The following DDX31 variants were observed in gnomAD, a reference collection of about 807,000 sequenced individuals.
The protein encoded by DDX31 is ATP-dependent DNA helicase DDX31.
DDX31 carries 70 observed loss-of-function variants against 91.3 expected under a neutral mutation model. The ratio of observed to expected loss-of-function variants is 0.77; its 90% confidence interval spans 0.63 to 0.94. The LOEUF is 0.94. DDX31 is among the 40% of genes least tolerant of loss of function. The probability of loss-of-function intolerance (pLI) is 0.00; values close to 1 mark genes in which losing one functional copy is unlikely to be tolerated. For missense variants in DDX31, 902 were observed against 925.0 expected (o/e 0.98, Z 0.32); for synonymous variants, 362 against 350.6 (o/e 1.03, Z -0.36).
At position 132,648,209 on chromosome 9, in the gene DDX31, A is replaced by G; in HGVS notation, c.947T>C (p.Leu316Pro). The change falls in exon 11 of 20, where the codon CTA becomes CCA. Residue 316 changes from leucine to proline, a missense_variant. Coordinates refer to ENST00000372159, the MANE Select transcript of DDX31 (RefSeq NM_022779.9). Reference sequence around the variant, plus strand: ...CTCACCTTCTGTGAGTGTCGCTGATAGCAAGACATTCTGTCGTTTTTGGCA... The same window carrying G: ...CTCACCTTCTGTGAGTGTCGCTGATGGCAAGACATTCTGTCGTTTTTGGCA... ...AECQKRQNVL[L>P]SATLTEGVTR... is the part of the protein sequence containing the mutation. 6.2e-7 allele frequency: 1 copy of G among 1,613,900 alleles called. No homozygotes were observed. The highest frequency in any genetic ancestry group is 8.5e-7 in the Non-Finnish European group (1 of 1,179,942).
At position 132,661,217 on chromosome 9, in the gene DDX31, C is replaced by G. The variant is rs773944538; in HGVS notation, c.443G>C (p.Ser148Thr). 3 of 1,610,514 alleles carry G rather than the reference C, an allele frequency of 1.9e-6. No individual in the cohort carries two copies. Among genetic ancestry groups the G allele is most frequent in the Non-Finnish European group, 1.7e-6 (2 of 1,177,734 alleles). ...STINTVLKMS[S>T]MTSVQKQSIP... ...AGCCTGAAGTTCTTACCTGGTCATA[C>G]TAGACATTTTTAAGACCGTATTTAT... Residue 148 changes from serine to threonine, a missense_variant, in exon 4 of 20, where the codon AGT becomes ACT. Ser to Thr is a moderately conservative substitution (Grantham distance 58, BLOSUM62 1). Transcript: ENST00000372159.
chr9:132,627,987 A>G (rs1052835819), intron 16 of DDX31, among the ~76,000 whole-genome samples: 3 of 152,184 alleles, frequency 2.0e-5, no homozygotes, highest in Non-Finnish European at 4.4e-5. Context: ...GCTTCTTCCC[A>G]CTGCGCACTT....
intron 9 of DDX31, among the ~76,000 whole-genome samples, chr9:132,649,005 A>G (rs949988758): frequency 6.6e-6 from 1 of 152,228 alleles, no homozygotes; most frequent in South Asian, 2.1e-4. Flanking sequence ...AACGGGGCTC[A>G]GCTTTGTCCC....
intron 1 of DDX31, among the ~76,000 whole-genome samples, chr9:132,667,462 G>A (rs967428326): frequency 1.3e-5 from 2 of 151,982 alleles, no homozygotes; most frequent in African/African-American, 4.8e-5. Flanking sequence ...AATTAGCCGG[G>A]TGTGGTGGTG....
In DDX31 at chr9:132,645,936, G is replaced by T. The variant is rs753128554; in HGVS notation, c.1339C>A (p.Arg447=). Residue 447 remains arginine, a synonymous_variant, in exon 13 of 20, where the codon CGA becomes AGA. Coordinates refer to ENST00000372159, the MANE Select transcript of DDX31 (RefSeq NM_022779.9). The part of the protein sequence containing the change: ...ASGQLPSASM[R]LKFLRLHGGM... ...CCATGCAGCCGTAGGAATTTTAATC[G>T]CATGGAGGCAGATGGCAACTGCCCT... 1 of 1,613,500 alleles carries T rather than the reference G, an allele frequency of 6.2e-7. No homozygotes were observed. The highest frequency in any genetic ancestry group is 1.3e-5 in the African/African-American group (1 of 74,882).
At position 132,633,444 on chromosome 9, in the gene DDX31, A is replaced by G. The variant is rs932810118; in HGVS notation, c.1441-1353T>C. Among the ~76,000 whole-genome samples the G allele has an allele frequency of 2.0e-5, 3 of 149,468 alleles. 1 individual carries two copies. The highest frequency in any genetic ancestry group is 7.8e-5 in the African/African-American group (3 of 38,708). Reference sequence around the variant, plus strand: ...CATTTCAGCACTATATATAATTTGTAGATCTAGAAAAAAACTGTCAACCAG... The same window carrying G: ...CATTTCAGCACTATATATAATTTGTGGATCTAGAAAAAAACTGTCAACCAG... On this transcript the variant is annotated intron_variant, in intron 14 of 19. Transcript: ENST00000372159.
intron 5 of DDX31, 124 bp from the exon 6 acceptor site, chr9:132,658,859 A>T: frequency 2.5e-6 from 2 of 814,580 alleles, no homozygotes; most frequent in South Asian, 3.8e-5. Flanking sequence ...GGAAAGGGAA[A>T]CTGCCCATTA....
At position 132,652,452 on chromosome 9, in the gene DDX31, C is replaced by T; in HGVS notation, c.629G>A (p.Arg210Lys). ...GPYALVLVPT[R>K]ELALQSFDTV... ...CCCAAAAGGGAGCCTGCTTACCTCT[C>T]TCGTTGGCACGAGCACCAGGGCATA... Residue 210 changes from arginine (R) to lysine (K), a missense_variant, in exon 7 of 20, where the codon AGA becomes AAA. By Grantham distance (26) the Arg-to-Lys change is conservative (BLOSUM62 2). Transcript: ENST00000372159. 1 of 1,614,136 alleles carries T rather than the reference C, an allele frequency of 6.2e-7. No homozygotes were observed. The highest frequency in any genetic ancestry group is 8.5e-7 in the Non-Finnish European group (1 of 1,180,022).
At chr9:132,614,687 T>C (rs1008829623) in intron 18 of DDX31, among the ~76,000 whole-genome samples, 16 of 152,146 alleles carry the variant, frequency 1.1e-4, no homozygotes, top group Admixed American at 6.5e-4. Flanking sequence ...CCACCAATCC[T>C]ATGAGCTGAG....
At chr9:132,617,823 C>T (rs1029049365) in intron 18 of DDX31, among the ~76,000 whole-genome samples, 8 of 152,200 alleles carry the variant, frequency 5.3e-5, no homozygotes, top group Admixed American at 3.3e-4. Context: ...AATATTAAGT[C>T]AACACCTCTC....
chr9:132,628,477 A>G lies in DDX31; in HGVS notation c.1631+1787T>C, dbSNP rs577882391. ...ATGGTATTTGTTATGTCTTTAAAAT[A>G]TACCTGACTCCCTAATACTTCGTGC... On this transcript the variant is annotated intron_variant, in intron 16 of 19. Coordinates refer to ENST00000372159, the MANE Select transcript of DDX31 (RefSeq NM_022779.9). Among the ~76,000 whole-genome samples the G allele has an allele frequency of 2.0e-5, 3 of 152,348 alleles. No individual in the cohort carries two copies. In the South Asian group the frequency reaches 6.2e-4, roughly 32 times the overall value.
chr9:132,632,124 G>C, intron 14 of DDX31, 33 bp from the exon 15 acceptor site: 1 of 1,601,728 alleles, frequency 6.2e-7, no homozygotes, highest in Non-Finnish European at 8.5e-7. Flanking sequence ...GTTTAACACT[G>C]AGTTTCTGAA....
Position 132,646,938 on chromosome 9 carries a change from G to A in DDX31, c.1088C>T (p.Ala363Val), listed in dbSNP as rs1833876140. ...KAVQEVCPPP[A>V]GDKLDSFAIP... ...TGCAAAGCTGTCCAGCTTGTCGCCA[G>A]CTGGTGGAGGACAGACCTCCTGGAC... The change falls in exon 12 of 20, where the codon GCT (alanine) becomes GTT (valine). Residue 363 changes from alanine to valine, a missense_variant. By Grantham distance (64) the Ala-to-Val change is moderately conservative. Transcript: ENST00000372159. 1 of 1,614,224 alleles carries A rather than the reference G, an allele frequency of 6.2e-7. No individual in the cohort carries two copies. Among genetic ancestry groups the A allele is most frequent in the East Asian group, 2.2e-5 (1 of 44,878 alleles).
rs1234791844 is a variant in DDX31 at position 132,651,073 on chromosome 9, A to G, written c.675+2T>C. The G allele has an allele frequency of 6.2e-6, 10 of 1,612,180 alleles. No individual in the cohort carries two copies. The highest frequency in any genetic ancestry group is 8.5e-6 in the Non-Finnish European group (10 of 1,179,208). On this transcript the variant is annotated splice_donor_variant, in intron 8 of 19. Coordinates refer to ENST00000372159, the MANE Select transcript of DDX31 (RefSeq NM_022779.9). LOFTEE classifies it high-confidence loss of function. ...TGAAATGGAACTCATGGTTTGCCTTACCTTAAGCAGTTTCTGGACAGTGTC... is the reference window on the plus strand; with the variant it reads ...TGAAATGGAACTCATGGTTTGCCTTGCCTTAAGCAGTTTCTGGACAGTGTC...
At chr9:132,626,715 C>T (rs1418688012) in intron 16 of DDX31, among the ~76,000 whole-genome samples, 1 of 151,788 alleles carries the variant, frequency 6.6e-6, no homozygotes, top group Non-Finnish European at 1.5e-5. Context: ...CAATTCTCCC[C>T]CTTTCACCCA....
chr9:132,659,806 A>C (rs1355529625), intron 4 of DDX31, 26 bp from the exon 5 acceptor site: 2 of 1,608,444 alleles, frequency 1.2e-6, no homozygotes, highest in Non-Finnish European at 1.7e-6. Flanking sequence ...AAAAGAACAC[A>C]CTTTACCTAT....
At chr9:132,599,836 T>A (rs1830634616) in intron 19 of DDX31, among the ~76,000 whole-genome samples, 1 of 152,206 alleles carries the variant, frequency 6.6e-6, no homozygotes, top group South Asian at 2.1e-4. Context: ...GCCCTGAAGG[T>A]CTCTGCTGAC....
chr9:132,626,485 T>C (rs900410410), intron 16 of DDX31, among the ~76,000 whole-genome samples: 1 of 151,924 alleles, frequency 6.6e-6, no homozygotes, highest in Non-Finnish European at 1.5e-5. Context: ...CATTTGAATG[T>C]AGGGAGCAAA....
At position 132,648,475 on chromosome 9, in the gene DDX31, G is replaced by C. The variant is rs1331379675; in HGVS notation, c.817C>G (p.His273Asp). The C allele has an allele frequency of 6.2e-7, 1 of 1,614,096 alleles. No homozygotes were observed. Among genetic ancestry groups the C allele is most frequent in the Admixed American group, 1.7e-5 (1 of 60,012 alleles). Residue 273 changes from histidine to aspartate, a missense_variant, in exon 10 of 20, where the codon CAT becomes GAT. His to Asp is a moderately conservative substitution (Grantham distance 81). Transcript: ENST00000372159. ...ACCAACCACCGCAGCCGACTAAAAT[G>C]AATGTTCTTTGTGGATTTTATATGA... ...VDHIKSTKNI[H>D]FSRLRWLVFD...
Sources: allele counts gnomAD v4.1 joint callset (sites outside exome capture counted in the v4.1 genomes callset), GRCh38; gene constraint gnomAD v4.1.1; transcripts MANE v1.5; gene names NCBI Gene and HGNC (gene_info 2026-07-23, HGNC 2026-07-21).